Variants in DLGAP2 observed in about 807,000 individuals in gnomAD.
DLGAP2 encodes DLG associated protein 2, also known as disks large-associated protein 2.
In DLGAP2, 26 loss-of-function variants were observed where a neutral mutation model predicts 100.3. That is an observed-to-expected ratio of 0.26 (90% CI 0.19 to 0.36). DLGAP2 has a LOEUF of 0.36. Ranked by LOEUF, DLGAP2 falls within the 10% of genes least tolerant of loss-of-function variation. The probability of loss-of-function intolerance (pLI) is 1.00; values close to 1 mark genes in which losing one functional copy is unlikely to be tolerated. For missense variants in DLGAP2, 1,858 were observed against 1,453.2 expected (o/e 1.28, Z -4.53); for synonymous variants, 886 against 630.1 (o/e 1.41, Z -6.08).
chr8:887,849 C>T lies in DLGAP2; in HGVS notation c.19-20063C>T, dbSNP rs188802824. On this transcript the variant is annotated intron_variant, in intron 1 of 14. Coordinates refer to ENST00000637795, the MANE Select transcript of DLGAP2 (RefSeq NM_001346810.2). The stretch of plus-strand genomic sequence containing the variant: ...CTTGGAGAATCTGATGATTATGTGT[C>T]TTGGGGTTGATCTTCTCATGGAGCA... Among the ~76,000 whole-genome samples the T allele has an allele frequency of 2.4e-3, 363 of 152,178 alleles. 2 individuals carry two copies. The highest frequency in any genetic ancestry group is 7.8e-3 in the African/African-American group (322 of 41,514).
intron 3 of DLGAP2, among the ~76,000 whole-genome samples, chr8:1,440,701 G>T (rs1797805060): frequency 6.6e-6 from 1 of 152,180 alleles, no homozygotes; most frequent in African/African-American, 2.4e-5. Context: ...GGTCCTGAAG[G>T]GCCCTTGGTG....
intron 3 of DLGAP2, among the ~76,000 whole-genome samples, chr8:1,328,902 A>G (rs1801084819): frequency 6.6e-6 from 1 of 152,202 alleles, no homozygotes; most frequent in South Asian, 2.1e-4. Context: ...GCTTTCAGGA[A>G]ATGGCATGAA....
chr8:1,342,689 C>T (rs1801445345), intron 3 of DLGAP2, among the ~76,000 whole-genome samples: 1 of 152,118 alleles, frequency 6.6e-6, no homozygotes, highest in Non-Finnish European at 1.5e-5. Context: ...ACTTTATATT[C>T]CTCTCTTAAC....
chr8:1,074,997 A>G (rs1563178264), intron 2 of DLGAP2, among the ~76,000 whole-genome samples: 1 of 151,218 alleles, frequency 6.6e-6, no homozygotes, highest in Non-Finnish European at 1.5e-5. Flanking sequence ...TCTCACCAAC[A>G]AACAGTGCAG....
intron 4 of DLGAP2, among the ~76,000 whole-genome samples, chr8:1,545,911 C>G (rs973243444): frequency 6.6e-6 from 1 of 152,134 alleles, no homozygotes; most frequent in Non-Finnish European, 1.5e-5. Context: ...AATGGACTCT[C>G]TTTTTAATAT....
chr8:830,416 G>A (rs1796759881), intron 1 of DLGAP2, among the ~76,000 whole-genome samples: 1 of 151,718 alleles, frequency 6.6e-6, no homozygotes, highest in African/African-American at 2.4e-5. Context: ...CCATTTTTTT[G>A]GACCCACTAA....
chr8:1,504,429 C>G (rs574524035), intron 4 of DLGAP2, among the ~76,000 whole-genome samples: 1 of 152,292 alleles, frequency 6.6e-6, no homozygotes, highest in African/African-American at 2.4e-5. Context: ...GATCTCATCT[C>G]TTAGCAGTTT....
At chr8:1,695,381 AGAGGGGG>A (rs1332630550) in intron 13 of DLGAP2, among the ~76,000 whole-genome samples, 39 of 144,042 alleles carry the variant, frequency 2.7e-4, no homozygotes, top group African/African-American at 1.0e-3. Flanking sequence ...CCCTACAGAA[AGAGGGGG>A]CACAGCCTTA....
At position 1,699,769 on chromosome 8, in the gene DLGAP2, G is replaced by A. The variant is rs181902239; in HGVS notation, c.2950-1419G>A. ...GGCGTCTTAAAAATTCCCTGGGATG[G>A]GCCCTGCACAGCATCTGCTGGACAC... On this transcript the variant is annotated intron_variant, in intron 14 of 14. Coordinates refer to ENST00000637795, the MANE Select transcript of DLGAP2 (RefSeq NM_001346810.2). 7.4e-4 allele frequency among the ~76,000 whole-genome samples: 112 copies of A among 152,292 alleles called. 1 individual carries two copies. The highest frequency in any genetic ancestry group is 2.6e-3 in the African/African-American group (107 of 41,562).
At chr8:1,268,426 A>T (rs988630331) in intron 3 of DLGAP2, among the ~76,000 whole-genome samples, 2 of 152,200 alleles carry the variant, frequency 1.3e-5, no homozygotes, top group Non-Finnish European at 2.9e-5. Context: ...CATTTGCAAT[A>T]TTGAAATAAT....
At position 1,501,447 on chromosome 8, in the gene DLGAP2, C is replaced by T. The variant is rs1053734931; in HGVS notation, c.172+16C>T. 79 of 1,535,346 alleles carry T rather than the reference C, an allele frequency of 5.1e-5. No individual in the cohort carries two copies. The highest frequency in any genetic ancestry group is 6.6e-5 in the Non-Finnish European group (76 of 1,146,678). ...GAGGATCTAGGTAGAGTACAGACGTCAGCCCCGCTCTGGCGGGGCCCGGAC... is the reference window on the plus strand; with the variant it reads ...GAGGATCTAGGTAGAGTACAGACGTTAGCCCCGCTCTGGCGGGGCCCGGAC... On this transcript the variant is annotated intron_variant, in intron 4 of 14. Coordinates refer to ENST00000637795, the MANE Select transcript of DLGAP2 (RefSeq NM_001346810.2).
At chr8:809,139 A>C (rs1364275379) in intron 1 of DLGAP2, among the ~76,000 whole-genome samples, 1 of 152,134 alleles carries the variant, frequency 6.6e-6, no homozygotes, top group Non-Finnish European at 1.5e-5. Flanking sequence ...TCCTGGCCTC[A>C]AGTGATCTGC....
intron 2 of DLGAP2, among the ~76,000 whole-genome samples, chr8:1,186,033 T>C (rs1297698946): frequency 1.3e-5 from 2 of 152,036 alleles, no homozygotes. Context: ...GTGAGTCAGG[T>C]TTGGAGTGTG....
chr8:1,317,540 G>A (rs1800787323), intron 3 of DLGAP2, among the ~76,000 whole-genome samples: 1 of 137,780 alleles, frequency 7.3e-6, no homozygotes, highest in Non-Finnish European at 1.5e-5. Flanking sequence ...TGCGAGTGCA[G>A]CGTGTCTCCA....
At chr8:1,285,306 A>T (rs1799899884) in intron 3 of DLGAP2, among the ~76,000 whole-genome samples, 1 of 152,248 alleles carries the variant, frequency 6.6e-6, no homozygotes, top group African/African-American at 2.4e-5. Context: ...TAAAAAATAA[A>T]ACAGTGCATA....
intron 13 of DLGAP2, among the ~76,000 whole-genome samples, chr8:1,694,603 C>A (rs536153655): frequency 6.6e-5 from 10 of 152,256 alleles, no homozygotes; most frequent in African/African-American, 2.4e-4. Flanking sequence ...TCCCCAGAAA[C>A]TTAGTCTCAT....
chr8:766,270 G>A (rs1821213783), intron 1 of DLGAP2, among the ~76,000 whole-genome samples: 1 of 152,192 alleles, frequency 6.6e-6, no homozygotes, highest in African/African-American at 2.4e-5. Context: ...CCCTAGGTGT[G>A]GGGTACATAA....
chr8:1,621,798 T>C (rs1797346309), intron 6 of DLGAP2: 1 of 151,484 alleles, frequency 6.6e-6, no homozygotes, highest in Non-Finnish European at 1.5e-5. Flanking sequence ...CGGTCAAGGG[T>C]ATGGCGTTTC....
At chr8:878,028 C>G (rs988382894) in intron 1 of DLGAP2, among the ~76,000 whole-genome samples, 2 of 152,172 alleles carry the variant, frequency 1.3e-5, no homozygotes, top group African/African-American at 4.8e-5. Flanking sequence ...TTGCTGTTTG[C>G]CAATGGACCA....
Sources: gnomAD v4.1 joint callset for allele counts (sites outside exome capture counted in the v4.1 genomes callset) on GRCh38, gnomAD v4.1.1 for gene constraint, MANE v1.5 for transcripts, NCBI Gene and HGNC (gene_info 2026-07-23, HGNC 2026-07-21) for gene names.